SP140: variants seen among roughly 807,000 people sequenced by gnomAD.
The protein encoded by SP140 is SP140 nuclear body protein.
SP140 carries 81 observed loss-of-function variants against 125.0 expected under a neutral mutation model. That is an observed-to-expected ratio of 0.65 (90% CI 0.54 to 0.78). The LOEUF (loss-of-function observed/expected upper bound fraction) is 0.78. Among genes scored for constraint, SP140 ranks in the 30% least tolerant of loss-of-function variants. The pLI, the probability that SP140 is intolerant of heterozygous loss-of-function variation, is 0.00. For synonymous variants in SP140, 312 were observed against 354.0 expected (o/e 0.88, Z 1.33); for missense variants, 858 against 1,037.0 (o/e 0.83, Z 2.37).
At chr2:230,186,589 CT>C in the SP140 span, among the ~76,000 whole-genome samples, 1 of 152,084 alleles carries the variant, frequency 6.6e-6, no homozygotes, top group Non-Finnish European at 1.5e-5. Flanking sequence ...AAATCTGAGA[CT>C]TTAGTGCACT....
intron 22 of SP140, among the ~76,000 whole-genome samples, chr2:230,303,473 T>C (rs980884689): frequency 6.6e-5 from 10 of 152,234 alleles, no homozygotes; most frequent in African/African-American, 1.9e-4. Flanking sequence ...AGCTGAATTC[T>C]ATCAGACATT....
upstream of SP140, among the ~76,000 whole-genome samples, chr2:230,221,055 G>A (rs2045774071): frequency 6.6e-6 from 1 of 151,760 alleles, no homozygotes; most frequent in South Asian, 2.1e-4. Flanking sequence ...GGCTGAGATG[G>A]GTGGATCACA....
upstream of SP140, among the ~76,000 whole-genome samples, chr2:230,221,375 C>T (rs2045805708): frequency 6.6e-6 from 1 of 151,912 alleles, no homozygotes; most frequent in Non-Finnish European, 1.5e-5. Flanking sequence ...AGGACATCCA[C>T]AAACTCCTCA....
intron 15 of SP140, among the ~76,000 whole-genome samples, chr2:230,271,342 A>G (rs2053893150): frequency 6.6e-6 from 1 of 152,204 alleles, no homozygotes; most frequent in Non-Finnish European, 1.5e-5. Context: ...AAAAGCCTAT[A>G]TTGCCTTGAG....
At chr2:230,258,375 C>A (rs2051610328) in intron 12 of SP140, among the ~76,000 whole-genome samples, 1 of 152,176 alleles carries the variant, frequency 6.6e-6, no homozygotes, top group African/African-American at 2.4e-5. Flanking sequence ...AATGGAATGG[C>A]AGACAACTGT....
intron 12 of SP140, among the ~76,000 whole-genome samples, chr2:230,267,935 G>A (rs1412942604): frequency 2.6e-5 from 4 of 152,212 alleles, no homozygotes; most frequent in Non-Finnish European, 5.9e-5. Context: ...TCTTTGCACA[G>A]TTTGGCTACT....
At chr2:230,278,776 C>G (rs536733025) in intron 15 of SP140, among the ~76,000 whole-genome samples, 8 of 152,016 alleles carry the variant, frequency 5.3e-5, no homozygotes, top group African/African-American at 1.7e-4. Flanking sequence ...ATTATTTATT[C>G]TTGGCACCCT....
At chr2:230,267,867 C>T (rs1404561920) in intron 12 of SP140, among the ~76,000 whole-genome samples, 1 of 152,158 alleles carries the variant, frequency 6.6e-6, no homozygotes, top group African/African-American at 2.4e-5. Flanking sequence ...ATTGACAAGA[C>T]ACTAGGTGCC....
chr2:230,263,716 C>G (rs137950344), intron 12 of SP140, among the ~76,000 whole-genome samples: 2,714 of 152,160 alleles, frequency 0.018, 103 homozygotes, highest in African/African-American at 0.062. Context: ...CTGTATCTTT[C>G]CTTCGTATAT....
At chr2:230,242,162 T>C (rs956162182) in intron 4 of SP140, among the ~76,000 whole-genome samples, 4 of 150,654 alleles carry the variant, frequency 2.7e-5, no homozygotes, top group Admixed American at 6.6e-5. Context: ...GAGAGAGAAG[T>C]ATATGGAAAA....
At chr2:230,307,643 G>A (rs916956693) in intron 22 of SP140, among the ~76,000 whole-genome samples, 1 of 152,202 alleles carries the variant, frequency 6.6e-6, no homozygotes, top group Non-Finnish European at 1.5e-5. Context: ...TTATGCAATA[G>A]CAGGCATGTC....
At chr2:230,216,025 A>T (rs899663932) in intron 3 of SP140, among the ~76,000 whole-genome samples, 15 of 152,164 alleles carry the variant, frequency 9.9e-5, no homozygotes. Flanking sequence ...GGGCTCAATT[A>T]ATGCTTTTAA....
At chr2:230,285,605 G>A (rs760475855) in intron 16 of SP140, 147 bp from the exon 17 acceptor site, 12 of 647,278 alleles carry the variant, frequency 1.9e-5, no homozygotes, top group Admixed American at 5.1e-5. Context: ...CTTAAAAGTC[G>A]ACACTCCCAA....
In SP140 at chr2:230,211,508, G is replaced by C; in HGVS notation, c.-322-2146G>C. 2.5e-6 allele frequency: 4 copies of C among 1,612,090 alleles called. No individual in the cohort carries two copies. The highest frequency in any genetic ancestry group is 3.4e-6 in the Non-Finnish European group (4 of 1,178,154). ...CAAGGGAGAGTGGGGCATCTCTTGA[G>C]GGTCTTCTTTATCTCTTATTTGGGG... On this transcript the variant is annotated intron_variant, in intron 1 of 4. Transcript: ENST00000456542. The surrounding 1 kb of genome is among the most constrained non-coding windows in gnomAD (Gnocchi z 4.2).
At chr2:230,212,471 G>C in intron 1 of SP140, 1 of 1,439,364 alleles carries the variant, frequency 6.9e-7, no homozygotes, top group Non-Finnish European at 9.8e-7. Flanking sequence ...GCAGGGACTG[G>C]ATGTCAGGGA....
intron 21 of SP140, among the ~76,000 whole-genome samples, chr2:230,295,504 G>A (rs1283993077): frequency 3.3e-5 from 5 of 152,154 alleles, no homozygotes; most frequent in African/African-American, 7.2e-5. Flanking sequence ...CCGACTAACC[G>A]ACTCTCCCTC....
At chr2:230,288,550 A>C (rs2056754629) in intron 18 of SP140, among the ~76,000 whole-genome samples, 1 of 142,576 alleles carries the variant, frequency 7.0e-6, no homozygotes, top group Non-Finnish European at 1.5e-5. Context: ...TCTGAGATAC[A>C]CGTGTAGAAT....
intron 10 of SP140, among the ~76,000 whole-genome samples, chr2:230,253,047 CT>C: frequency 6.6e-6 from 1 of 151,938 alleles, no homozygotes; most frequent in Non-Finnish European, 1.5e-5. Flanking sequence ...TACAATATCA[CT>C]AAAAAAGAAA....
At chr2:230,210,268 T>C (rs987573652) in intron 1 of SP140, among the ~76,000 whole-genome samples, 5 of 152,168 alleles carry the variant, frequency 3.3e-5, no homozygotes, top group Non-Finnish European at 7.4e-5. Context: ...GATTATCTTA[T>C]GGATGGAAGA....
Sources: allele counts gnomAD v4.1 joint callset (sites outside exome capture counted in the v4.1 genomes callset), GRCh38; gene constraint gnomAD v4.1.1; non-coding constraint Gnocchi (gnomAD v3.1); transcripts MANE v1.5; gene names NCBI Gene and HGNC (gene_info 2026-07-23, HGNC 2026-07-21).